MYO1D: variants seen among roughly 807,000 people sequenced by gnomAD.
MYO1D encodes the protein unconventional myosin-Id.
MYO1D carries 83 observed loss-of-function variants against 122.0 expected under a neutral mutation model. That is an observed-to-expected ratio of 0.68 (90% CI 0.57 to 0.82). MYO1D has a LOEUF of 0.82. MYO1D is among the 40% of genes least tolerant of loss of function. The pLI is 0.00. For missense variants in MYO1D, 1,157 were observed against 1,269.5 expected, an observed-to-expected ratio of 0.91 and a Z score of 1.35; for synonymous variants, 464 against 446.9, an observed-to-expected ratio of 1.04 and a Z score of -0.48.
chr17:32,704,915 TTAAA>T (rs1245407907), intron 16 of MYO1D, among the ~76,000 whole-genome samples: 7 of 152,228 alleles, frequency 4.6e-5, no homozygotes, highest in African/African-American at 1.7e-4. Flanking sequence ...ATAACATATT[TTAAA>T]TAATATAAAA....
At chr17:32,827,035 T>C (rs1174346843) in intron 1 of MYO1D, among the ~76,000 whole-genome samples, 1 of 152,228 alleles carries the variant, frequency 6.6e-6, no homozygotes, top group Non-Finnish European at 1.5e-5. Flanking sequence ...ATTCCATTCC[T>C]GGGTATGCAC....
intron 21 of MYO1D, among the ~76,000 whole-genome samples, chr17:32,524,937 A>G (rs1910294498): frequency 6.6e-6 from 1 of 152,198 alleles, no homozygotes; most frequent in South Asian, 2.1e-4. Context: ...TCCTGGGCTC[A>G]AGCAGTCCTC....
Position 32,560,565 on chromosome 17 carries a change from A to C in MYO1D, c.2864+44522T>G, listed in dbSNP as rs1160873436. Among the ~76,000 whole-genome samples, 20 of 106,240 alleles carry C rather than the reference A, an allele frequency of 1.9e-4. No individual in the cohort carries two copies. The East Asian group carries it at 3.8e-3, about 20-fold the overall frequency. 69.7% of individuals were successfully genotyped at this position (106,240 alleles called of 152,430 possible). The stretch of plus-strand genomic sequence containing the variant: ...TATATATATATATATATATATATAT[A>C]TATATATATATAACTTTTATACCTA... On this transcript the variant is annotated intron_variant, in intron 21 of 21. Coordinates refer to ENST00000318217, the MANE Select transcript of MYO1D (RefSeq NM_015194.3).
intron 21 of MYO1D, among the ~76,000 whole-genome samples, chr17:32,534,768 A>G (rs1008277111): frequency 2.6e-5 from 4 of 152,096 alleles, no homozygotes; most frequent in African/African-American, 4.8e-5. Context: ...TACTGAAGAA[A>G]TCCCCCCCTT....
intron 21 of MYO1D, among the ~76,000 whole-genome samples, chr17:32,583,839 A>C (rs2087363496): frequency 1.3e-5 from 2 of 152,102 alleles, no homozygotes; most frequent in Admixed American, 6.5e-5. Context: ...TCCTGGGCTC[A>C]AGTGATCTGC....
chr17:32,747,475 TGAGAG>T (rs1479547720), intron 12 of MYO1D, among the ~76,000 whole-genome samples: 1 of 152,106 alleles, frequency 6.6e-6, no homozygotes, highest in Non-Finnish European at 1.5e-5. Context: ...TTAATGATCT[TGAGAG>T]GAGAAGCTCA....
At chr17:32,598,762 A>C (rs537873804) in intron 21 of MYO1D, among the ~76,000 whole-genome samples, 1 of 152,374 alleles carries the variant, frequency 6.6e-6, no homozygotes, top group Non-Finnish European at 1.5e-5. Context: ...AATACTGTAC[A>C]TATTTTAATT....
intron 21 of MYO1D, among the ~76,000 whole-genome samples, chr17:32,588,247 G>A (rs2087408631): frequency 6.6e-6 from 1 of 152,220 alleles, no homozygotes; most frequent in African/African-American, 2.4e-5. Context: ...GACCTGAAAT[G>A]TAGGTTGCTT....
Position 32,492,542 on chromosome 17 carries a change from G to T in MYO1D, c.*2217C>A, listed in dbSNP as rs942603971. 1.3e-5 allele frequency: 2 copies of T among 152,344 alleles called. No individual in the cohort carries two copies. Among genetic ancestry groups the T allele is most frequent in the African/African-American group, 4.8e-5 (2 of 41,410 alleles). The allele number at this position is 152,344 out of a possible 1,614,324, so 9.4% of individuals were successfully genotyped here. The stretch of plus-strand genomic sequence containing the variant: ...CTCCCTTCTATCCTCCCAGATAATG[G>T]TTGACTTTATTTAAGCAAAAATTTC... On this transcript the variant is annotated 3_prime_UTR_variant, in exon 22 of 22. Coordinates refer to ENST00000318217, the MANE Select transcript of MYO1D (RefSeq NM_015194.3).
chr17:32,669,687 T>G (rs1250473123), intron 16 of MYO1D, among the ~76,000 whole-genome samples: 1 of 152,166 alleles, frequency 6.6e-6, no homozygotes, highest in Non-Finnish European at 1.5e-5. Flanking sequence ...TCTATCCTTT[T>G]GGGAAGCAAT....
At chr17:32,695,346 C>T (rs142939633) in intron 16 of MYO1D, among the ~76,000 whole-genome samples, 19 of 152,316 alleles carry the variant, frequency 1.2e-4, no homozygotes, top group East Asian at 7.7e-4. Flanking sequence ...GCTCACTTGC[C>T]GCCCACCTGC....
intron 21 of MYO1D, chr17:32,594,425 C>T (rs1340101140): frequency 9.1e-6 from 4 of 439,202 alleles, no homozygotes; most frequent in Non-Finnish European, 1.6e-5. Context: ...AATATCTTTC[C>T]TTACTTCATT....
At chr17:32,820,654 T>C (rs2090653247) in intron 1 of MYO1D, among the ~76,000 whole-genome samples, 1 of 152,162 alleles carries the variant, frequency 6.6e-6, no homozygotes, top group South Asian at 2.1e-4. Context: ...GCATATATGG[T>C]CAAGGGATGG....
intron 19 of MYO1D, among the ~76,000 whole-genome samples, chr17:32,651,398 G>C (rs1053593459): frequency 6.6e-6 from 1 of 152,156 alleles, no homozygotes; most frequent in Admixed American, 6.6e-5. Context: ...TCTCCTCTCT[G>C]ATACTCTGCT....
intron 14 of MYO1D, among the ~76,000 whole-genome samples, chr17:32,734,373 T>A (rs910231436): frequency 1.3e-5 from 2 of 152,204 alleles, no homozygotes; most frequent in Non-Finnish European, 2.9e-5. Context: ...CATAATTTTT[T>A]AATTTATCAG....
At chr17:32,858,289 T>C in intron 1 of MYO1D, among the ~76,000 whole-genome samples, 1 of 152,226 alleles carries the variant, frequency 6.6e-6, no homozygotes, top group East Asian at 1.9e-4. Flanking sequence ...GAGATTAACA[T>C]ATGATATATT....
At chr17:32,570,209 A>G (rs2087210630) in intron 21 of MYO1D, among the ~76,000 whole-genome samples, 1 of 152,158 alleles carries the variant, frequency 6.6e-6, no homozygotes, top group Non-Finnish European at 1.5e-5. Context: ...AGTGGAACCC[A>G]GAACCAGAGG....
chr17:32,629,059 C>T (rs188410714), intron 20 of MYO1D, among the ~76,000 whole-genome samples: 1 of 152,290 alleles, frequency 6.6e-6, no homozygotes, highest in East Asian at 1.9e-4. Context: ...AATGTGCCAA[C>T]AAGCCATGGG....
At chr17:32,604,783 T>C (rs945965073) in intron 21 of MYO1D, among the ~76,000 whole-genome samples, 1 of 152,224 alleles carries the variant, frequency 6.6e-6, no homozygotes, top group Non-Finnish European at 1.5e-5. Flanking sequence ...GAGAAGAATA[T>C]AAAGTAATTT....
Sources: allele counts gnomAD v4.1 joint callset (sites outside exome capture counted in the v4.1 genomes callset), GRCh38; gene constraint gnomAD v4.1.1; transcripts MANE v1.5; gene names NCBI Gene and HGNC (gene_info 2026-07-23, HGNC 2026-07-21).